VPS13B: variants seen among roughly 807,000 people sequenced by gnomAD.
VPS13B encodes the protein vacuolar protein sorting 13 homolog B, also known as intermembrane lipid transfer protein VPS13B.
Under a neutral mutation model 426.4 loss-of-function variants are expected in VPS13B, and 285 were observed. That is an observed-to-expected ratio of 0.67 (90% CI 0.61 to 0.74). VPS13B has a LOEUF of 0.74. VPS13B is among the 30% of genes least tolerant of loss of function. The probability of loss-of-function intolerance (pLI) is 0.00; values close to 1 mark genes in which losing one functional copy is unlikely to be tolerated. For synonymous variants in VPS13B, 1,676 were observed against 1,676.4 expected (o/e 1.00, Z 0.01); for missense variants, 4,537 against 4,782.6 (o/e 0.95, Z 1.51).
intron 3 of VPS13B, among the ~76,000 whole-genome samples, chr8:99,082,579 G>A (rs1302137618): frequency 2.0e-5 from 3 of 152,082 alleles, no homozygotes; most frequent in African/African-American, 7.2e-5. Flanking sequence ...TTTCTTCTAG[G>A]GTTTTTATGG....
intron 44 of VPS13B, among the ~76,000 whole-genome samples, chr8:99,814,433 C>G (rs1813901164): frequency 6.6e-6 from 1 of 152,190 alleles, no homozygotes; most frequent in Admixed American, 6.5e-5. Flanking sequence ...CTGTCATCCT[C>G]TTAGATTTGC....
intron 33 of VPS13B, among the ~76,000 whole-genome samples, chr8:99,603,771 G>A (rs1171904942): frequency 6.6e-6 from 1 of 152,170 alleles, no homozygotes; most frequent in African/African-American, 2.4e-5. Flanking sequence ...AACCATGGAT[G>A]AGAGAGGACA....
chr8:99,783,467 G>A (rs928878203), intron 42 of VPS13B, among the ~76,000 whole-genome samples: 2 of 152,092 alleles, frequency 1.3e-5, no homozygotes, highest in African/African-American at 2.4e-5. Flanking sequence ...TTAAGCCATA[G>A]CCTAACCAGA....
chr8:99,648,068 A>G (rs1273227566), intron 34 of VPS13B, among the ~76,000 whole-genome samples: 3 of 152,208 alleles, frequency 2.0e-5, no homozygotes, highest in Non-Finnish European at 2.9e-5. Context: ...TTGACTTATT[A>G]CTTCAGAAGA....
chr8:99,111,393 C>A, intron 6 of VPS13B, 114 bp downstream of exon 6: 1 of 800,030 alleles, frequency 1.2e-6, no homozygotes, highest in Non-Finnish European at 1.9e-6. Context: ...AATATGTATG[C>A]CATTTGTTTT....
chr8:99,205,000 A>G (rs1814607394), intron 17 of VPS13B, among the ~76,000 whole-genome samples: 2 of 152,208 alleles, frequency 1.3e-5, no homozygotes, highest in Non-Finnish European at 1.5e-5. Context: ...CCATCCCATT[A>G]CTGGGTATAT....
At chr8:99,386,599 A>T (rs1035788459) in intron 20 of VPS13B, among the ~76,000 whole-genome samples, 2 of 152,232 alleles carry the variant, frequency 1.3e-5, no homozygotes, top group African/African-American at 2.4e-5. Context: ...AATCTTATGG[A>T]ACCACCATCG....
rs187476388 is a variant in VPS13B, at chr8:99,303,897, G to A, written c.2824+28643G>A. Among the ~76,000 whole-genome samples, 951 of 152,058 alleles carry A rather than the reference G, an allele frequency of 6.3e-3. 6 individuals are homozygous for A. The highest frequency in any genetic ancestry group is 0.022 in the African/African-American group (893 of 41,496). On this transcript the variant is annotated intron_variant, in intron 19 of 61. Coordinates refer to ENST00000357162, the MANE Select transcript of VPS13B (RefSeq NM_152564.5). ...TCCATTTATATGCATATTTATTTAT[G>A]TTACCATCAGTAGTTCTCCATAGCT...
At chr8:99,176,053 C>A (rs1219270302) in intron 16 of VPS13B, among the ~76,000 whole-genome samples, 3 of 152,092 alleles carry the variant, frequency 2.0e-5, no homozygotes, top group African/African-American at 7.2e-5. Context: ...TACAGTATGA[C>A]TGTGTATTGC....
intron 33 of VPS13B, among the ~76,000 whole-genome samples, chr8:99,632,044 A>G (rs1828869253): frequency 6.6e-6 from 1 of 151,968 alleles, no homozygotes; most frequent in African/African-American, 2.4e-5. Flanking sequence ...AAGAAAAAGT[A>G]GAAACTTTAT....
chr8:99,714,802 CAAAG>C (rs1158813310), intron 36 of VPS13B, among the ~76,000 whole-genome samples: 1 of 151,912 alleles, frequency 6.6e-6, no homozygotes, highest in Non-Finnish European at 1.5e-5. Context: ...TCATGAAAGA[CAAAG>C]AAAGCTGGGG....
At chr8:99,477,531 G>A (rs1011143576) in intron 24 of VPS13B, among the ~76,000 whole-genome samples, 2 of 152,194 alleles carry the variant, frequency 1.3e-5, no homozygotes, top group Non-Finnish European at 2.9e-5. Flanking sequence ...ACTGTAGCCA[G>A]TGTGTACGTT....
intron 17 of VPS13B, among the ~76,000 whole-genome samples, chr8:99,205,881 T>C (rs1035855895): frequency 6.6e-6 from 1 of 152,122 alleles, no homozygotes; most frequent in Admixed American, 6.5e-5. Flanking sequence ...CTCTGGTAAA[T>C]GAGATCAGAA....
chr8:99,027,785 C>T (rs1842215696), intron 2 of VPS13B, among the ~76,000 whole-genome samples: 1 of 150,302 alleles, frequency 6.7e-6, no homozygotes, highest in East Asian at 1.9e-4. Context: ...GGGTGTTTCT[C>T]GCAGAGGGGG....
chr8:99,338,287 C>T (rs1261676308), intron 19 of VPS13B, among the ~76,000 whole-genome samples: 2 of 152,038 alleles, frequency 1.3e-5, no homozygotes, highest in Admixed American at 6.6e-5. Flanking sequence ...TCTTGAAGAA[C>T]AAAATGGACA....
At chr8:99,703,305 C>A (rs1371193705) in intron 36 of VPS13B, among the ~76,000 whole-genome samples, 1 of 151,998 alleles carries the variant, frequency 6.6e-6, no homozygotes, top group East Asian at 1.9e-4. Flanking sequence ...ATGGGAGTTT[C>A]ATAGGATTTG....
At chr8:99,243,411 A>G (rs1817037782) in intron 17 of VPS13B, among the ~76,000 whole-genome samples, 1 of 152,262 alleles carries the variant, frequency 6.6e-6, no homozygotes, top group South Asian at 2.1e-4. Context: ...TAATAATAAG[A>G]TAAGGGACAT....
intron 2 of VPS13B, among the ~76,000 whole-genome samples, chr8:99,020,264 T>G (rs763171492): frequency 6.6e-5 from 10 of 152,230 alleles, no homozygotes; most frequent in Non-Finnish European, 1.3e-4. Flanking sequence ...CATGTACTTA[T>G]TAGCTATGTT....
intron 17 of VPS13B, among the ~76,000 whole-genome samples, chr8:99,268,434 A>C (rs1818415531): frequency 6.6e-6 from 1 of 152,232 alleles, no homozygotes; most frequent in African/African-American, 2.4e-5. Context: ...AGCCATAGGG[A>C]CAGAGCTGCC....
Sources: allele counts gnomAD v4.1 joint callset (sites outside exome capture counted in the v4.1 genomes callset), GRCh38; gene constraint gnomAD v4.1.1; transcripts MANE v1.5; gene names NCBI Gene and HGNC (gene_info 2026-07-23, HGNC 2026-07-21).